Variants in FHIT observed in about 807,000 individuals in gnomAD.
The protein encoded by FHIT is bis(5'-adenosyl)-triphosphatase.
FHIT carries 19 observed loss-of-function variants against 17.9 expected under a neutral mutation model. That is an observed-to-expected ratio of 1.06 (90% confidence interval 0.74 to 1.56). The LOEUF (loss-of-function observed/expected upper bound fraction) is 1.56. Ranked by LOEUF, FHIT falls within the 40% of genes most tolerant of loss-of-function variation. The pLI is 0.00. For synonymous variants in FHIT, 81 were observed against 69.7 expected (o/e 1.16, Z -0.81); for missense variants, 248 against 189.2 (o/e 1.31, Z -1.82).
Position 60,152,290 on chromosome 3 carries a change from T to C in FHIT, c.104-138138A>G, listed in dbSNP as rs112088990. The stretch of plus-strand genomic sequence containing the variant: ...AGCTCGTAGGAAGCACATGCACACA[T>C]GTATGTACACACATAAACTACTCTG... On this transcript the variant is annotated intron_variant, in intron 5 of 9. Coordinates refer to ENST00000492590, the MANE Select transcript of FHIT (RefSeq NM_002012.4). 2.2e-3 allele frequency among the ~76,000 whole-genome samples: 328 copies of C among 152,294 alleles called. 2 individuals are homozygous for C. Among genetic ancestry groups the C allele is most frequent in the African/African-American group, 7.4e-3 (309 of 41,566 alleles).
At chr3:59,984,921 T>G (rs746017772) in intron 7 of FHIT, among the ~76,000 whole-genome samples, 1 of 152,060 alleles carries the variant, frequency 6.6e-6, no homozygotes, top group Non-Finnish European at 1.5e-5. Context: ...GGGTCAGCAG[T>G]ATTGGGCTTC....
At chr3:61,064,177 T>C (rs2034525031) in intron 2 of FHIT, among the ~76,000 whole-genome samples, 1 of 152,100 alleles carries the variant, frequency 6.6e-6, no homozygotes, top group Non-Finnish European at 1.5e-5. Flanking sequence ...CAAAGAGAAA[T>C]CGAAAGATAT....
intron 2 of FHIT, among the ~76,000 whole-genome samples, chr3:61,090,522 G>A (rs1426929450): frequency 1.3e-5 from 2 of 152,204 alleles, no homozygotes; most frequent in African/African-American, 4.8e-5. Flanking sequence ...TTGCTTTAGA[G>A]ATGTTTATCC....
intron 7 of FHIT, among the ~76,000 whole-genome samples, chr3:59,978,635 C>G (rs547730309): frequency 8.0e-5 from 12 of 150,838 alleles, no homozygotes; most frequent in African/African-American, 2.7e-4. Flanking sequence ...CTTTGGGGAG[C>G]TGCTGAGGAG....
At chr3:60,176,679 T>G (rs536188436) in intron 5 of FHIT, among the ~76,000 whole-genome samples, 7 of 152,280 alleles carry the variant, frequency 4.6e-5, no homozygotes, top group Admixed American at 4.6e-4. Context: ...TCCCAAAGAC[T>G]TGGAGAGTCA....
chr3:60,846,705 T>C (rs73092704), intron 3 of FHIT, among the ~76,000 whole-genome samples: 7,120 of 152,332 alleles, frequency 0.047, 224 homozygotes, highest in South Asian at 0.1. Flanking sequence ...GGTGATGAAG[T>C]GCAAAGCTGT....
chr3:60,706,144 C>G (rs2041365844), intron 4 of FHIT, among the ~76,000 whole-genome samples: 1 of 147,356 alleles, frequency 6.8e-6, no homozygotes, highest in Admixed American at 7.1e-5. Flanking sequence ...AACACAGGAA[C>G]AGAAAACCAG....
intron 4 of FHIT, among the ~76,000 whole-genome samples, chr3:60,748,715 G>C (rs1553716024): frequency 6.6e-6 from 1 of 152,170 alleles, no homozygotes; most frequent in Non-Finnish European, 1.5e-5. Context: ...GGGAGGCTGA[G>C]GCAGGAGAAA....
intron 8 of FHIT, among the ~76,000 whole-genome samples, chr3:59,806,855 C>T (rs1033025306): frequency 2.6e-5 from 4 of 151,964 alleles, no homozygotes; most frequent in African/African-American, 9.7e-5. Flanking sequence ...ATGCAAACCA[C>T]CAAAATACAA....
At chr3:60,104,168 T>C (rs897706836) in intron 5 of FHIT, among the ~76,000 whole-genome samples, 6 of 152,168 alleles carry the variant, frequency 3.9e-5, no homozygotes, top group African/African-American at 1.4e-4. Context: ...TACTATAAAT[T>C]AAACAATGTA....
chr3:60,078,625 G>C (rs1432808559), intron 5 of FHIT, among the ~76,000 whole-genome samples: 1 of 152,074 alleles, frequency 6.6e-6, no homozygotes, highest in Non-Finnish European at 1.5e-5. Flanking sequence ...ACCAGAAATA[G>C]CTTTATATCA....
chr3:61,194,523 A>G (rs1471900659), intron 2 of FHIT, among the ~76,000 whole-genome samples: 2 of 152,238 alleles, frequency 1.3e-5, no homozygotes, highest in Non-Finnish European at 2.9e-5. Flanking sequence ...GCTAATGAGC[A>G]TTATTAAATA....
chr3:60,085,910 C>T lies in FHIT; in HGVS notation c.104-71758G>A, dbSNP rs557085137. Among the ~76,000 whole-genome samples the T allele has an allele frequency of 1.3e-3, 196 of 152,202 alleles. 1 individual carries two copies. Among genetic ancestry groups the T allele is most frequent in the African/African-American group, 3.8e-3 (158 of 41,518 alleles). On this transcript the variant is annotated intron_variant, in intron 5 of 9. Transcript: ENST00000492590. ...AGGTGGCTCCTCCTGTGAGATTTTG[C>T]AATTAGGGATATGATCAGTCTTAGT... is the stretch of plus-strand genomic sequence containing the variant.
chr3:60,063,399 C>G (rs1702372122), intron 5 of FHIT, among the ~76,000 whole-genome samples: 1 of 152,096 alleles, frequency 6.6e-6, no homozygotes, highest in Non-Finnish European at 1.5e-5. Context: ...ATTTCTTTAA[C>G]TAGAAAAAAT....
At chr3:61,180,985 G>A (rs377130102) in intron 2 of FHIT, among the ~76,000 whole-genome samples, 4 of 152,034 alleles carry the variant, frequency 2.6e-5, no homozygotes, top group Admixed American at 1.3e-4. Flanking sequence ...ATTTATCTCC[G>A]TTGCTTTTTC....
At chr3:61,157,835 A>G (rs9311799) in intron 2 of FHIT, among the ~76,000 whole-genome samples, 1 of 151,912 alleles carries the variant, frequency 6.6e-6, no homozygotes, top group African/African-American at 2.4e-5. Flanking sequence ...ATAGGAGTAC[A>G]TATAAAACTT....
chr3:60,059,035 AG>A (rs1286938893), intron 5 of FHIT, among the ~76,000 whole-genome samples: 1 of 152,188 alleles, frequency 6.6e-6, no homozygotes, highest in African/African-American at 2.4e-5. Context: ...TACAGTAGGT[AG>A]GTAGTCAGGC....
At chr3:60,866,003 G>A (rs1704142552) in intron 3 of FHIT, among the ~76,000 whole-genome samples, 2 of 152,060 alleles carry the variant, frequency 1.3e-5, no homozygotes, top group Admixed American at 6.6e-5. Flanking sequence ...ACTCGGGGAA[G>A]CATTCAACAA....
intron 8 of FHIT, among the ~76,000 whole-genome samples, chr3:59,798,663 C>G (rs1202105489): frequency 1.3e-5 from 2 of 152,232 alleles, no homozygotes; most frequent in Non-Finnish European, 2.9e-5. Context: ...ACAGTATAGG[C>G]TTTGGGTTTG....
Sources: allele counts gnomAD v4.1 joint callset (sites outside exome capture counted in the v4.1 genomes callset), GRCh38; gene constraint gnomAD v4.1.1; transcripts MANE v1.5; gene names NCBI Gene and HGNC (gene_info 2026-07-23, HGNC 2026-07-21).